CYB5R4: variants seen among roughly 807,000 people sequenced by gnomAD.
CYB5R4 encodes cytochrome b5 reductase 4.
A neutral mutation model predicts 70.2 loss-of-function variants in CYB5R4; 55 were observed. That is an observed-to-expected ratio of 0.78 (90% confidence interval 0.63 to 0.98). The LOEUF (loss-of-function observed/expected upper bound fraction) is 0.98, where lower values mean the gene tolerates loss of function less well. Among genes scored for constraint, CYB5R4 ranks in the 50% least tolerant of loss-of-function variants. The probability of loss-of-function intolerance (pLI) is 0.00; values close to 1 mark genes in which losing one functional copy is unlikely to be tolerated. For missense variants in CYB5R4, 562 were observed against 612.6 expected, an observed-to-expected ratio of 0.92 and a Z score of 0.87; for synonymous variants, 197 against 199.5, an observed-to-expected ratio of 0.99 and a Z score of 0.11.
chr6:83,952,223 T>A (rs1562847424), intron 14 of CYB5R4, among the ~76,000 whole-genome samples: 1 of 152,146 alleles, frequency 6.6e-6, no homozygotes, highest in Non-Finnish European at 1.5e-5. Flanking sequence ...ACAATTTACA[T>A]CACTTTAAAG....
At chr6:83,940,708 A>G in intron 14 of CYB5R4, 107 bp downstream of exon 14, 2 of 1,288,282 alleles carry the variant, frequency 1.6e-6, no homozygotes, top group South Asian at 1.6e-5. Flanking sequence ...GCTCCTTCAA[A>G]GAAAAAAAAT....
intron 3 of CYB5R4, among the ~76,000 whole-genome samples, chr6:83,895,232 C>A (rs2099461686): frequency 6.6e-6 from 1 of 152,078 alleles, no homozygotes. Context: ...GTGGTGTGAT[C>A]TTGGATCACT....
At position 83,899,711 on chromosome 6, in the gene CYB5R4, G is replaced by A. The variant is rs1380665873; in HGVS notation, c.330+6089G>A. ...AGTCTTGGGAGGGTGTATGTGTCGA[G>A]GAATTTATCCATTTCTTCTAGATTT... On this transcript the variant is annotated intron_variant, in intron 3 of 15. Coordinates refer to ENST00000369681, the MANE Select transcript of CYB5R4 (RefSeq NM_016230.4). Among the ~76,000 whole-genome samples the A allele has an allele frequency of 2.0e-5, 3 of 152,220 alleles. No individual in the cohort carries two copies. The East Asian group carries it at 5.8e-4, about 29-fold the overall frequency.
At chr6:83,881,498 A>G (rs917535054) in intron 2 of CYB5R4, among the ~76,000 whole-genome samples, 1 of 152,184 alleles carries the variant, frequency 6.6e-6, no homozygotes, top group Non-Finnish European at 1.5e-5. Flanking sequence ...CTTGTATTGA[A>G]TTCGATAACT....
Position 83,967,300 on chromosome 6 carries a change from G to A in CYB5R4, c.*7422G>A, listed in dbSNP as rs1006592535. 11 of 152,078 alleles carry A rather than the reference G, an allele frequency of 7.2e-5. No individual in the cohort carries two copies. Among genetic ancestry groups the A allele is most frequent in the Admixed American group, 5.9e-4 (9 of 15,268 alleles). The allele number at this position is 152,078 out of a possible 1,614,324, so 9.4% of individuals were successfully genotyped here. A position where few individuals can be genotyped will look rare whatever the true frequency, so the allele number is the denominator to read the frequency against. The stretch of plus-strand genomic sequence containing the variant: ...CTTGTAGAACTAAAACAAAATGAGA[G>A]TTAAAAAAGAAAGAGTATAGGTATA... On this transcript the variant is annotated 3_prime_UTR_variant, in exon 16 of 16. Transcript: ENST00000369681.
At chr6:83,944,967 A>G (rs1010370440) in intron 14 of CYB5R4, among the ~76,000 whole-genome samples, 3 of 152,152 alleles carry the variant, frequency 2.0e-5, no homozygotes, top group African/African-American at 7.2e-5. Flanking sequence ...CTTTCACACA[A>G]TAATAGTGGG....
In CYB5R4 at chr6:83,884,345, G is replaced by A. The variant is rs150306101; in HGVS notation, c.230-9177G>A. ...GCTAAACGTAAATGTTTGGGAAAAAGTATGCTATCCAGCTAGTAAATTTTA... is the reference window on the plus strand; with the variant it reads ...GCTAAACGTAAATGTTTGGGAAAAAATATGCTATCCAGCTAGTAAATTTTA... On this transcript the variant is annotated intron_variant, in intron 2 of 15. Coordinates refer to ENST00000369681, the MANE Select transcript of CYB5R4 (RefSeq NM_016230.4). Among the ~76,000 whole-genome samples the A allele has an allele frequency of 3.6e-3, 554 of 152,102 alleles. 1 individual carries two copies. Among genetic ancestry groups the A allele is most frequent in the African/African-American group, 0.012 (517 of 41,528 alleles).
intron 8 of CYB5R4, 69 bp from the exon 9 acceptor site, chr6:83,922,369 T>G: frequency 7.7e-7 from 1 of 1,290,512 alleles, no homozygotes; most frequent in Non-Finnish European, 1.1e-6. Flanking sequence ...GCCATTTAAA[T>G]GACATATGGT....
At chr6:83,865,254 G>A (rs1588557265) in intron 2 of CYB5R4, among the ~76,000 whole-genome samples, 1 of 152,116 alleles carries the variant, frequency 6.6e-6, no homozygotes, top group African/African-American at 2.4e-5. Flanking sequence ...ACTTAAAGAG[G>A]TATCTGGTGG....
At chr6:83,959,598 A>T (rs2099473001) in intron 15 of CYB5R4, among the ~76,000 whole-genome samples, 2 of 152,258 alleles carry the variant, frequency 1.3e-5, no homozygotes, top group African/African-American at 4.8e-5. Context: ...AAATTATGAC[A>T]TTTATGAGCT....
At chr6:83,949,675 A>G (rs190616050) in intron 14 of CYB5R4, among the ~76,000 whole-genome samples, 28 of 152,332 alleles carry the variant, frequency 1.8e-4, no homozygotes, top group Admixed American at 1.8e-3. Flanking sequence ...AGGCTGACAT[A>G]TGATCGAATA....
At chr6:83,957,696 A>G (rs117166634) in intron 15 of CYB5R4, among the ~76,000 whole-genome samples, 6 of 151,964 alleles carry the variant, frequency 3.9e-5, no homozygotes, top group Admixed American at 6.6e-5. Flanking sequence ...CTCAGAGCCA[A>G]TCTTTCAATG....
rs2099463115 is a variant in CYB5R4, at chr6:83,902,340, A to G, written c.331-6669A>G. Among the ~76,000 whole-genome samples the G allele has an allele frequency of 2.6e-5, 4 of 151,832 alleles. No homozygotes were observed. In the South Asian group the frequency reaches 8.3e-4, roughly 32 times the overall value. On this transcript the variant is annotated intron_variant, in intron 3 of 15. Transcript: ENST00000369681. ...AAATCAGTTGGCTATAAATATGTGG[A>G]TTTATTTCTGGGTTCTCTGCTCTGT...
At chr6:83,893,459 T>A in intron 2 of CYB5R4, 63 bp from the exon 3 acceptor site, 1 of 917,674 alleles carries the variant, frequency 1.1e-6, no homozygotes, top group Non-Finnish European at 1.7e-6. Flanking sequence ...AAACTTATAT[T>A]TATAAGTTTT....
At chr6:83,879,452 A>G (rs1020729409) in intron 2 of CYB5R4, among the ~76,000 whole-genome samples, 1 of 152,148 alleles carries the variant, frequency 6.6e-6, no homozygotes, top group Non-Finnish European at 1.5e-5. Context: ...AGCAGCAGTT[A>G]GTATTTGCCT....
Position 83,915,938 on chromosome 6 carries a change from A to C in CYB5R4, c.445+1490A>C, listed in dbSNP as rs569432410. ...AACCAATACTTATGGAAGGGAGAAC[A>C]TGCATTCAGTCCACCTTGCATTACT... On this transcript the variant is annotated intron_variant, in intron 5 of 15. Coordinates refer to ENST00000369681, the MANE Select transcript of CYB5R4 (RefSeq NM_016230.4). Among the ~76,000 whole-genome samples, 4 of 152,302 alleles carry C rather than the reference A, an allele frequency of 2.6e-5. No individual in the cohort carries two copies. The East Asian group carries it at 7.7e-4, about 29-fold the overall frequency.
At chr6:83,953,525 C>G (rs1371115891) in intron 14 of CYB5R4, among the ~76,000 whole-genome samples, 2 of 151,912 alleles carry the variant, frequency 1.3e-5, no homozygotes, top group African/African-American at 2.4e-5. Flanking sequence ...CCCAAGTACT[C>G]TGAAATACCA....
At chr6:83,895,945 A>G (rs9294283) in intron 3 of CYB5R4, among the ~76,000 whole-genome samples, 1 of 152,146 alleles carries the variant, frequency 6.6e-6, no homozygotes, top group African/African-American at 2.4e-5. Context: ...TTCTGTTTTT[A>G]TCCCACCGCT....
At position 83,934,671 on chromosome 6, in the gene CYB5R4, G is replaced by C. The variant is rs138012523; in HGVS notation, c.891G>C (p.Leu297=). 4.9e-4 allele frequency: 791 copies of C among 1,613,488 alleles called. 1 individual carries two copies. The highest frequency in any genetic ancestry group is 6.5e-4 in the Non-Finnish European group (767 of 1,179,660). Residue 297 remains leucine, a synonymous_variant, in exon 11 of 16, where the codon CTG becomes CTC. Coordinates refer to ENST00000369681, the MANE Select transcript of CYB5R4 (RefSeq NM_016230.4). Reference sequence around the variant, plus strand: ...ATACGAGGCTTTTCTGTTTGATGCTGCCACCAAGCACTCATCTTCAAGTGC... The same window carrying C: ...ATACGAGGCTTTTCTGTTTGATGCTCCCACCAAGCACTCATCTTCAAGTGC... The part of the protein sequence containing the change: ...THDTRLFCLM[L]PPSTHLQVPI...
Sources: gnomAD v4.1 joint callset for allele counts (sites outside exome capture counted in the v4.1 genomes callset) on GRCh38, gnomAD v4.1.1 for gene constraint, MANE v1.5 for transcripts, NCBI Gene and HGNC (gene_info 2026-07-23, HGNC 2026-07-21) for gene names.